The following MIDN variants were observed in gnomAD, a reference collection of about 807,000 sequenced individuals.
MIDN encodes midnolin.
In MIDN, 26 loss-of-function variants were observed where a neutral mutation model predicts 46.1. That is an observed-to-expected ratio of 0.56 (90% CI 0.41 to 0.78). The LOEUF (loss-of-function observed/expected upper bound fraction) is 0.78. Ranked by LOEUF, MIDN falls within the 30% of genes least tolerant of loss-of-function variation. The pLI, the probability that MIDN is intolerant of heterozygous loss-of-function variation, is 0.00. For synonymous variants in MIDN, 432 were observed against 343.3 expected (o/e 1.26, Z -2.86); for missense variants, 850 against 771.8 (o/e 1.10, Z -1.20).
chr19:1,253,114 G>A (rs1332684147), intron 4 of MIDN, among the ~76,000 whole-genome samples: 8 of 151,870 alleles, frequency 5.3e-5, no homozygotes, highest in African/African-American at 1.7e-4. Flanking sequence ...AGTCATGCCC[G>A]CCCATTAGCC....
chr19:1,257,620 T>TGGCGGAGAGTGAAGGA lies in MIDN; in HGVS notation c.*350_*365dup, dbSNP rs1170047788. 6.2e-5 allele frequency: 16 copies of TGGCGGAGAGTGAAGGA among 259,760 alleles called. No homozygotes were observed. The highest frequency in any genetic ancestry group is 1.0e-4 in the Non-Finnish European group (14 of 136,202). 16.1% of individuals were successfully genotyped at this position (259,760 alleles called of 1,614,324 possible). ...TCCAATATGTAGCAGTCTCTCTGGA[T>TGGCGGAGAGTGAAGGA]GGCGGAGAGTGAAGGAGACGGAGAA... On this transcript the variant is annotated 3_prime_UTR_variant, in exon 9 of 9. Coordinates refer to ENST00000682408, the MANE Select transcript of MIDN (RefSeq NM_001388306.1).
chr19:1,258,455 G>A lies in MIDN; in HGVS notation c.*1183G>A, dbSNP rs1383722181. 1 of 152,548 alleles carries A rather than the reference G, an allele frequency of 6.6e-6. No homozygotes were observed. Among genetic ancestry groups the A allele is most frequent in the African/African-American group, 2.4e-5 (1 of 41,448 alleles). 9.4% of individuals were successfully genotyped at this position (152,548 alleles called of 1,614,324 possible). ...TAGGGGTGTCTGTCTCCAGAGGGGAGGGACAAATCCCCTACTGGGGCCATT... is the reference window on the plus strand; with the variant it reads ...TAGGGGTGTCTGTCTCCAGAGGGGAAGGACAAATCCCCTACTGGGGCCATT... On this transcript the variant is annotated 3_prime_UTR_variant, in exon 9 of 9. Coordinates refer to ENST00000682408, the MANE Select transcript of MIDN (RefSeq NM_001388306.1).
chr19:1,255,022 G>A lies in MIDN; in HGVS notation c.946G>A (p.Val316Met). ...ACCCGGCGCCGTCATCGAGAGCTTT[G>A]TGAATCACGCCCCGGGGGTCTTCTC... is the stretch of plus-strand genomic sequence containing the variant. ...RKPGAVIESF[V>M]NHAPGVFSGT... The change falls in exon 7 of 9, where the codon GTG (valine) becomes ATG (methionine). Residue 316 changes from valine to methionine, a missense_variant. Coordinates refer to ENST00000682408, the MANE Select transcript of MIDN (RefSeq NM_001388306.1). 3 of 1,613,344 alleles carry A rather than the reference G, an allele frequency of 1.9e-6. No individual in the cohort carries two copies. The highest frequency in any genetic ancestry group is 2.5e-6 in the Non-Finnish European group (3 of 1,179,888).
In MIDN at chr19:1,250,367, C is replaced by T; in HGVS notation, c.71C>T (p.Pro24Leu). The stretch of plus-strand genomic sequence containing the variant: ...CCCGGCGGCGCCTGCGAGCTGGGCC[C>T]GGCGGCCGAGGCGGCGCCCATGAGC... ...GAPGGACELG[P>L]AAEAAPMSLA... The change falls in exon 2 of 9, where the codon CCG (proline) becomes CTG (leucine). Residue 24 changes from proline (P) to leucine (L), a missense_variant. Transcript: ENST00000682408. 3.5e-6 allele frequency: 4 copies of T among 1,142,626 alleles called. No homozygotes were observed. Among genetic ancestry groups the T allele is most frequent in the Non-Finnish European group, 4.3e-6 (4 of 921,638 alleles). 70.8% of individuals were successfully genotyped at this position (1,142,626 alleles called of 1,614,324 possible).
At chr19:1,251,815 C>A (rs199869396) in intron 3 of MIDN, 24 bp from the exon 4 acceptor site, 2 of 1,608,804 alleles carry the variant, frequency 1.2e-6, no homozygotes, top group South Asian at 1.1e-5. Context: ...CACACTCAGG[C>A]CCCTCTCCTC....
In MIDN at chr19:1,257,592, A is replaced by T. The variant is rs1171329710; in HGVS notation, c.*320A>T. On this transcript the variant is annotated 3_prime_UTR_variant, in exon 9 of 9. Transcript: ENST00000682408. ...TCGGTCCTCCCTGCCAACCTTCCCC[A>T]GCTCCAATATGTAGCAGTCTCTCTG... 2 of 322,772 alleles carry T rather than the reference A, an allele frequency of 6.2e-6. No homozygotes were observed. The highest frequency in any genetic ancestry group is 4.4e-5 in the African/African-American group (2 of 45,174). 20.0% of individuals were successfully genotyped at this position (322,772 alleles called of 1,614,324 possible).
intron 5 of MIDN, 34 bp from the exon 6 acceptor site, chr19:1,254,133 G>T (rs773407580): frequency 6.4e-7 from 1 of 1,574,488 alleles, no homozygotes; most frequent in Admixed American, 1.7e-5. Flanking sequence ...GCCGCAAGCT[G>T]GGGCTCCCAG....
At position 1,250,468 on chromosome 19, in the gene MIDN, A is replaced by G; in HGVS notation, c.172A>G (p.Lys58Glu). The change falls in exon 2 of 9, where the codon AAG becomes GAG. Residue 58 changes from lysine (K) to glutamate (E), a missense_variant. By Grantham distance (56) the Lys-to-Glu change is moderately conservative (BLOSUM62 1). Transcript: ENST00000682408. ...PPDETVEGLR[K>E]RLSQRLKVPK... ...CGACGAGACGGTGGAGGGGCTGCGC[A>G]AGCGGTTGTCCCAGCGCCTCAAAGT... 7.2e-7 allele frequency: 1 copy of G among 1,384,170 alleles called. No individual in the cohort carries two copies. Among genetic ancestry groups the G allele is most frequent in the Non-Finnish European group, 9.6e-7 (1 of 1,046,144 alleles). The allele number at this position is 1,384,170 out of a possible 1,614,324, so 85.7% of individuals were successfully genotyped here. A position where few individuals can be genotyped will look rare whatever the true frequency, so the allele number is the denominator to read the frequency against.
Position 1,254,122 on chromosome 19 carries a change from C to T in MIDN, c.513+40C>T, listed in dbSNP as rs746879151. On this transcript the variant is annotated intron_variant, in intron 5 of 8. Coordinates refer to ENST00000682408, the MANE Select transcript of MIDN (RefSeq NM_001388306.1). ...GGACTGGGCCGGGCTGGGCTGGGGG[C>T]GCCGCAAGCTGGGGCTCCCAGCTGA... 17 of 1,559,078 alleles carry T rather than the reference C, an allele frequency of 1.1e-5. No individual in the cohort carries two copies. In the South Asian group the frequency reaches 1.7e-4, roughly 16 times the overall value.
intron 6 of MIDN, 31 bp from the exon 7 acceptor site, chr19:1,254,871 C>T: frequency 6.3e-7 from 1 of 1,579,740 alleles, no homozygotes; most frequent in Middle Eastern, 1.8e-4. Context: ...GATCCTGGAC[C>T]CCGTGCTCAT....
Position 1,253,972 on chromosome 19 carries a change from C to A in MIDN, c.403C>A (p.Pro135Thr). 1 of 1,393,678 alleles carries A rather than the reference C, an allele frequency of 7.2e-7. No homozygotes were observed. Among genetic ancestry groups the A allele is most frequent in the Non-Finnish European group, 9.2e-7 (1 of 1,081,868 alleles). The allele number at this position is 1,393,678 out of a possible 1,614,324, so 86.3% of individuals were successfully genotyped here. The change falls in exon 5 of 9, where the codon CCG (proline) becomes ACG (threonine). Residue 135 changes from proline (P) to threonine (T), a missense_variant. Transcript: ENST00000682408. ...CCCACAGCCCCCAGCGGCGCCCGGG[C>A]CGGGCCGGGCTGGCGGAGGAGGCTT... The part of the protein sequence containing the change: ...TETQPPAAPG[P>T]GRAGGGGFRK...
At chr19:1,249,473 T>C (rs189868505) in intron 1 of MIDN, among the ~76,000 whole-genome samples, 1,897 of 148,380 alleles carry the variant, frequency 0.013, 42 homozygotes, top group African/African-American at 0.045. Context: ...CCGCGCCCCC[T>C]CCCGCTCCCG....
At position 1,250,529 on chromosome 19, in the gene MIDN, C is replaced by T. The variant is rs1389895531; in HGVS notation, c.233C>T (p.Thr78Ile). 13 of 1,242,848 alleles carry T rather than the reference C, an allele frequency of 1.0e-5. No individual in the cohort carries two copies. The highest frequency in any genetic ancestry group is 1.1e-5 in the Non-Finnish European group (11 of 968,072). The allele number at this position is 1,242,848 out of a possible 1,614,324, so 77.0% of individuals were successfully genotyped here. A position where few individuals can be genotyped will look rare whatever the true frequency, so the allele number is the denominator to read the frequency against. Residue 78 changes from threonine (T) to isoleucine (I), a missense_variant and splice_region_variant, in exon 2 of 9, where the codon ACC becomes ATC. By Grantham distance (89) the Thr-to-Ile change is moderately conservative. Transcript: ENST00000682408. ...KERLALLHKD[T>I]RLSSGKLQEF... ...CGCCTGGCTCTTCTCCACAAAGACACGTAGGTACCGCGCGCCCCCGGCCGG... is the reference window on the plus strand; with the variant it reads ...CGCCTGGCTCTTCTCCACAAAGACATGTAGGTACCGCGCGCCCCCGGCCGG...
At chr19:1,256,618 C>G (rs1354879876) in intron 8 of MIDN, among the ~76,000 whole-genome samples, 1 of 152,068 alleles carries the variant, frequency 6.6e-6, no homozygotes, top group African/African-American at 2.4e-5. Flanking sequence ...CATGGCTGAG[C>G]TGGAGAATTA....
chr19:1,251,689 C>G (rs1415568095), intron 3 of MIDN, 40 bp downstream of exon 3: 3 of 1,578,590 alleles, frequency 1.9e-6, no homozygotes, highest in South Asian at 2.3e-5. Flanking sequence ...GAGGCCCCCG[C>G]ACACAGGCAG....
chr19:1,253,871 C>A, intron 4 of MIDN, 83 bp from the exon 5 acceptor site: 1 of 1,216,312 alleles, frequency 8.2e-7, no homozygotes, highest in Non-Finnish European at 1.1e-6. Context: ...CCCGCCCCCT[C>A]TGGCCTCAGT....
chr19:1,249,555 C>T (rs2081096013), intron 1 of MIDN, among the ~76,000 whole-genome samples: 2 of 150,146 alleles, frequency 1.3e-5, no homozygotes, highest in African/African-American at 4.9e-5. Context: ...CCGGGGCGCG[C>T]CCGCCCTTTG....
chr19:1,254,101 T>C lies in MIDN; in HGVS notation c.513+19T>C, dbSNP rs1833441837. On this transcript the variant is annotated intron_variant, in intron 5 of 8. Transcript: ENST00000682408. ...GCCCCAGGTCACAGCGCGGGGGGAC[T>C]GGGCCGGGCTGGGCTGGGGGCGCCG... 1.3e-6 allele frequency: 2 copies of C among 1,534,134 alleles called. No homozygotes were observed. Among genetic ancestry groups the C allele is most frequent in the African/African-American group, 1.4e-5 (1 of 71,432 alleles).
rs567512223 is a variant in MIDN at position 1,257,623 on chromosome 19, C to T, written c.*351C>T. ...AATATGTAGCAGTCTCTCTGGATGG[C>T]GGAGAGTGAAGGAGACGGAGAAACG... On this transcript the variant is annotated 3_prime_UTR_variant, in exon 9 of 9. Transcript: ENST00000682408. The T allele has an allele frequency of 1.1e-4, 29 of 256,830 alleles. No individual in the cohort carries two copies. The highest frequency in any genetic ancestry group is 5.0e-4 in the African/African-American group (22 of 43,988). 15.9% of individuals were successfully genotyped at this position (256,830 alleles called of 1,614,324 possible).
Sources: gnomAD v4.1 joint callset for allele counts (sites outside exome capture counted in the v4.1 genomes callset) on GRCh38, gnomAD v4.1.1 for gene constraint, MANE v1.5 for transcripts, NCBI Gene and HGNC (gene_info 2026-07-23, HGNC 2026-07-21) for gene names.